Variants in MBOAT2 observed in about 807,000 individuals in gnomAD.
MBOAT2 encodes membrane bound glycerophospholipid O-acyltransferase 2.
MBOAT2 carries 28 observed loss-of-function variants against 63.4 expected under a neutral mutation model. The observed-to-expected ratio is 0.44, with a 90% CI of 0.33 to 0.61. The LOEUF (loss-of-function observed/expected upper bound fraction) is 0.61. Among genes scored for constraint, MBOAT2 ranks in the 20% least tolerant of loss-of-function variants. The pLI is 0.03. For missense variants in MBOAT2, 470 were observed against 605.8 expected, an observed-to-expected ratio of 0.78 and a Z score of 2.35; for synonymous variants, 211 against 215.6, an observed-to-expected ratio of 0.98 and a Z score of 0.19.
At chr2:8,902,382 G>A (rs1026293218) in intron 4 of MBOAT2, among the ~76,000 whole-genome samples, 3 of 152,208 alleles carry the variant, frequency 2.0e-5, no homozygotes, top group Non-Finnish European at 4.4e-5. Flanking sequence ...TGGTCAAGCT[G>A]ACTTCAAGAA....
chr2:8,979,307 C>A (rs575804020), intron 1 of MBOAT2, among the ~76,000 whole-genome samples: 1 of 152,130 alleles, frequency 6.6e-6, no homozygotes, highest in Non-Finnish European at 1.5e-5. Flanking sequence ...ACATAATACA[C>A]TATCTAAATG....
intron 8 of MBOAT2, among the ~76,000 whole-genome samples, chr2:8,869,182 G>C (rs1662124684): frequency 6.6e-6 from 1 of 151,806 alleles, no homozygotes; most frequent in Non-Finnish European, 1.5e-5. Flanking sequence ...GAGTAGCTGG[G>C]ACTGCAGGTG....
intron 3 of MBOAT2, among the ~76,000 whole-genome samples, chr2:8,913,138 G>A (rs1259877011): frequency 3.3e-5 from 5 of 152,150 alleles, no homozygotes; most frequent in African/African-American, 4.8e-5. Context: ...GCCACATGTA[G>A]GAGAATGAAA....
chr2:8,861,662 A>C (rs17670809), intron 11 of MBOAT2, among the ~76,000 whole-genome samples: 2,783 of 152,274 alleles, frequency 0.018, 33 homozygotes, highest in Middle Eastern at 0.037. Context: ...AATAACTTTC[A>C]TCTCTCAAAG....
intron 4 of MBOAT2, among the ~76,000 whole-genome samples, chr2:8,890,094 G>A (rs542181196): frequency 3.3e-5 from 5 of 152,268 alleles, no homozygotes; most frequent in Middle Eastern, 3.4e-3. Context: ...CTAACAGAGC[G>A]GGAGGGAAGG....
In MBOAT2 at chr2:8,868,211, C is replaced by T. The variant is rs1386132734; in HGVS notation, c.987+235G>A. Among the ~76,000 whole-genome samples the T allele has an allele frequency of 7.2e-5, 11 of 152,304 alleles. No homozygotes were observed. The South Asian group carries it at 1.2e-3, about 17-fold the overall frequency. On this transcript the variant is annotated intron_variant, in intron 9 of 12. Coordinates refer to ENST00000305997, the MANE Select transcript of MBOAT2 (RefSeq NM_138799.4). ...TGATCACCACCTGTTTTACCTTATT[C>T]TGTAACCTCTAGGAAACTAAAGCTC...
intron 3 of MBOAT2, among the ~76,000 whole-genome samples, chr2:8,912,532 C>T (rs1484192879): frequency 6.6e-6 from 1 of 152,246 alleles, no homozygotes; most frequent in African/African-American, 2.4e-5. Context: ...AAATCTGTAG[C>T]TCTTCTATAC....
intron 1 of MBOAT2, chr2:8,974,472 T>G (rs114284848): frequency 0.013 from 5,769 of 455,696 alleles, 55 homozygotes; most frequent in Middle Eastern, 0.028. Context: ...ACAGAAAGAT[T>G]AAAGAACCCA....
At position 8,892,262 on chromosome 2, in the gene MBOAT2, C is replaced by T. The variant is rs370040842; in HGVS notation, c.396-4189G>A. ...ACTAGGTAACAGCTTGCCACCAGGA[C>T]ATGTGTTACCCAGCAACGGAGGCAA... On this transcript the variant is annotated intron_variant, in intron 4 of 12. Transcript: ENST00000305997. 2.3e-4 allele frequency among the ~76,000 whole-genome samples: 35 copies of T among 152,286 alleles called. No individual in the cohort carries two copies. The East Asian group carries it at 3.9e-3, about 17-fold the overall frequency.
At chr2:8,879,013 T>C (rs1662910223) in intron 6 of MBOAT2, among the ~76,000 whole-genome samples, 1 of 149,584 alleles carries the variant, frequency 6.7e-6, no homozygotes, top group East Asian at 2.0e-4. Context: ...GAGGCGGAGC[T>C]TGCAGTGAGC....
intron 4 of MBOAT2, among the ~76,000 whole-genome samples, chr2:8,902,878 C>G (rs1043576555): frequency 6.6e-6 from 1 of 152,222 alleles, no homozygotes; most frequent in African/African-American, 2.4e-5. Context: ...GTTGCTGCTG[C>G]TGGCTCGGGT....
chr2:8,900,627 T>A lies in MBOAT2; in HGVS notation c.395+7994A>T, dbSNP rs1459667292. Among the ~76,000 whole-genome samples, 4 of 152,018 alleles carry A rather than the reference T, an allele frequency of 2.6e-5. No homozygotes were observed. The East Asian group carries it at 7.8e-4, about 29-fold the overall frequency. Reference sequence around the variant, plus strand: ...CTTATTTCCTTCTGAGTGGGGGAGATTAGAGGAGGATTATCATTAATAGAA... The same window carrying A: ...CTTATTTCCTTCTGAGTGGGGGAGAATAGAGGAGGATTATCATTAATAGAA... On this transcript the variant is annotated intron_variant, in intron 4 of 12. Transcript: ENST00000305997.
intron 4 of MBOAT2, among the ~76,000 whole-genome samples, chr2:8,895,644 A>G (rs1664400625): frequency 6.6e-6 from 1 of 152,158 alleles, no homozygotes; most frequent in Admixed American, 6.5e-5. Context: ...CCCCCCTCTA[A>G]ACAGGACACC....
chr2:8,862,400 C>A lies in MBOAT2; in HGVS notation c.1185+190G>T. On this transcript the variant is annotated intron_variant, in intron 11 of 12. Coordinates refer to ENST00000305997, the MANE Select transcript of MBOAT2 (RefSeq NM_138799.4). The surrounding 1 kb of genome is among the most constrained non-coding windows in gnomAD (Gnocchi z 4.3). Reference sequence around the variant, plus strand: ...GAAACGTGTTTTCTCCTCACAGGAACTGGGCATGGAGCCTAGCCCGTGGTG... The same window carrying A: ...GAAACGTGTTTTCTCCTCACAGGAAATGGGCATGGAGCCTAGCCCGTGGTG... The A allele has an allele frequency of 7.3e-7, 1 of 1,378,188 alleles. No individual in the cohort carries two copies. Among genetic ancestry groups the A allele is most frequent in the Middle Eastern group, 1.8e-4 (1 of 5,512 alleles). The allele number at this position is 1,378,188 out of a possible 1,614,324, so 85.4% of individuals were successfully genotyped here.
intron 7 of MBOAT2, among the ~76,000 whole-genome samples, chr2:8,874,523 G>A (rs1011826356): frequency 1.3e-5 from 2 of 152,062 alleles, no homozygotes; most frequent in African/African-American, 2.4e-5. Context: ...CTGTGGCCAC[G>A]AGACTATATG....
chr2:8,950,434 G>A lies in MBOAT2; in HGVS notation c.222-7170C>T, dbSNP rs1160662718. Among the ~76,000 whole-genome samples the A allele has an allele frequency of 3.3e-5, 5 of 151,978 alleles. No homozygotes were observed. In the South Asian group the frequency reaches 6.2e-4, roughly 19 times the overall value. On this transcript the variant is annotated intron_variant, in intron 2 of 12. Coordinates refer to ENST00000305997, the MANE Select transcript of MBOAT2 (RefSeq NM_138799.4). ...AATGCTTCCAGTTTGTTTTTTGTTTGTTTGTTTGTTTGAGACACAGTCTCG... is the reference window on the plus strand; with the variant it reads ...AATGCTTCCAGTTTGTTTTTTGTTTATTTGTTTGTTTGAGACACAGTCTCG...
chr2:8,894,104 C>A (rs1475669546), intron 4 of MBOAT2, among the ~76,000 whole-genome samples: 1 of 152,104 alleles, frequency 6.6e-6, no homozygotes, highest in Admixed American at 6.5e-5. Context: ...CTCCCCTAGC[C>A]CCCACCCGCC....
chr2:8,866,789 G>A (rs1040792498), intron 9 of MBOAT2, among the ~76,000 whole-genome samples: 26 of 152,168 alleles, frequency 1.7e-4, no homozygotes, highest in African/African-American at 6.3e-4. Context: ...ATCTGATCTG[G>A]TGTTTAACTT....
intron 5 of MBOAT2, among the ~76,000 whole-genome samples, chr2:8,886,757 T>A (rs565400884): frequency 6.6e-6 from 1 of 152,366 alleles, no homozygotes; most frequent in African/African-American, 2.4e-5. Flanking sequence ...CTTCTAGATC[T>A]ATGGACAAAA....
Sources: allele counts gnomAD v4.1 joint callset (sites outside exome capture counted in the v4.1 genomes callset), GRCh38; gene constraint gnomAD v4.1.1; non-coding constraint Gnocchi (gnomAD v3.1); transcripts MANE v1.5; gene names NCBI Gene and HGNC (gene_info 2026-07-23, HGNC 2026-07-21).